The following TIAM2 variants were observed in gnomAD, a reference collection of about 807,000 sequenced individuals.
TIAM2 encodes the protein TIAM Rac1 associated GEF 2.
In TIAM2, 80 loss-of-function variants were observed where a neutral mutation model predicts 152.9. That is an observed-to-expected ratio of 0.52 (90% confidence interval 0.44 to 0.63). The LOEUF (loss-of-function observed/expected upper bound fraction) is 0.63. Ranked by LOEUF, TIAM2 falls within the 30% of genes least tolerant of loss-of-function variation. The pLI is 0.00. For synonymous variants in TIAM2, 804 were observed against 838.0 expected (o/e 0.96, Z 0.70); for missense variants, 1,965 against 2,120.1 (o/e 0.93, Z 1.44).
intron 15 of TIAM2, 151 bp downstream of exon 15, chr6:155,211,458 C>A (rs1562355319): frequency 1.7e-6 from 1 of 591,388 alleles, no homozygotes. Context: ...GATACAGCTT[C>A]CTTATTTATG....
chr6:155,193,433 G>T (rs1226576701), intron 14 of TIAM2, among the ~76,000 whole-genome samples: 2 of 152,020 alleles, frequency 1.3e-5, no homozygotes, highest in African/African-American at 4.8e-5. Context: ...AGATCTCATT[G>T]GAAAAGTATT....
At chr6:155,196,470 C>T (rs1299522403) in intron 14 of TIAM2, among the ~76,000 whole-genome samples, 1 of 152,138 alleles carries the variant, frequency 6.6e-6, no homozygotes, top group African/African-American at 2.4e-5. Context: ...GCATATTGGT[C>T]TTTCCTCTAG....
chr6:155,172,515 G>T (rs887756377), intron 9 of TIAM2, among the ~76,000 whole-genome samples: 1 of 151,240 alleles, frequency 6.6e-6, no homozygotes, highest in Non-Finnish European at 1.5e-5. Flanking sequence ...GAACAGAAGT[G>T]CAGAGGCACT....
At chr6:155,144,120 A>G (rs1779772809) in intron 5 of TIAM2, among the ~76,000 whole-genome samples, 1 of 152,170 alleles carries the variant, frequency 6.6e-6, no homozygotes, top group South Asian at 2.1e-4. Flanking sequence ...TTTAATTTTT[A>G]AACACTGAAG....
intron 1 of TIAM2, among the ~76,000 whole-genome samples, chr6:155,057,607 C>T (rs902719542): frequency 1.2e-4 from 16 of 131,754 alleles, no homozygotes; most frequent in African/African-American, 8.8e-5. Context: ...AGTGCAGTGA[C>T]GTGATCTTGC....
chr6:155,079,628 T>A (rs916710624), intron 1 of TIAM2, among the ~76,000 whole-genome samples: 4 of 152,172 alleles, frequency 2.6e-5, no homozygotes, highest in African/African-American at 9.7e-5. Context: ...TCTTTATGGA[T>A]CCTAGCATTT....
In TIAM2 at chr6:155,183,375, C is replaced by A; in HGVS notation, c.2939C>A (p.Thr980Asn). The A allele has an allele frequency of 1.2e-6, 2 of 1,613,276 alleles. No individual in the cohort carries two copies. The highest frequency in any genetic ancestry group is 1.7e-6 in the Non-Finnish European group (2 of 1,179,750). The change falls in exon 14 of 27, where the codon ACC (threonine) becomes AAC (asparagine). Residue 980 changes from threonine (T) to asparagine (N), a missense_variant. Physicochemically the swap from Thr to Asn is moderately conservative, Grantham distance 65 (BLOSUM62 0). Transcript: ENST00000682666. ...GCCCGGCCTCCGGACACAAAAGCAA[C>A]CCTGTGTACATCCTGGTCAGACAGT... is the stretch of plus-strand genomic sequence containing the variant. ...LIARPPDTKATLCTSWSDSDL... is the reference protein window; with the variant it reads ...LIARPPDTKANLCTSWSDSDL...
intron 1 of TIAM2, among the ~76,000 whole-genome samples, chr6:155,054,080 G>A (rs1056450503): frequency 2.0e-5 from 3 of 152,172 alleles, no homozygotes; most frequent in East Asian, 1.9e-4. Flanking sequence ...GGCTGAGGCC[G>A]GAGACTCGTT....
intron 9 of TIAM2, among the ~76,000 whole-genome samples, chr6:155,171,432 C>T (rs1426370569): frequency 6.6e-6 from 1 of 152,204 alleles, no homozygotes; most frequent in Non-Finnish European, 1.5e-5. Context: ...AGCTTCATTG[C>T]AGAAATTGTG....
At chr6:155,127,124 C>T (rs1779313125) in intron 2 of TIAM2, among the ~76,000 whole-genome samples, 1 of 152,228 alleles carries the variant, frequency 6.6e-6, no homozygotes, top group South Asian at 2.1e-4. Context: ...AAATAGAGAA[C>T]AAGGGCCACC....
intron 1 of TIAM2, among the ~76,000 whole-genome samples, chr6:155,056,475 A>T (rs997041016): frequency 6.7e-6 from 1 of 149,968 alleles, no homozygotes; most frequent in African/African-American, 2.4e-5. Context: ...CCTGGCCCTT[A>T]TGGTTCTTCT....
In TIAM2 at chr6:155,116,819, G is replaced by A. The variant is rs181957499; in HGVS notation, c.-117-10671G>A. 1.9e-3 allele frequency among the ~76,000 whole-genome samples: 282 copies of A among 152,192 alleles called. 2 individuals carry two copies. Among genetic ancestry groups the A allele is most frequent in the African/African-American group, 6.4e-3 (265 of 41,488 alleles). On this transcript the variant is annotated intron_variant, in intron 2 of 26. Coordinates refer to ENST00000682666, the MANE Select transcript of TIAM2 (RefSeq NM_012454.4). The stretch of plus-strand genomic sequence containing the variant: ...GCTCAAGCTCAGAAAGGTTAAAAAC[G>A]GAGGTTATTTAAAAGTCACACTCAC...
chr6:155,190,309 T>A (rs73006735), intron 14 of TIAM2, among the ~76,000 whole-genome samples: 12,924 of 152,222 alleles, frequency 0.085, 656 homozygotes, highest in Non-Finnish European at 0.11. Flanking sequence ...AAGCCCCTTA[T>A]AAAATAAATA....
In TIAM2 at chr6:155,179,035, A is replaced by G; in HGVS notation, c.2524-4A>G. ...AATCTGAATAACTGTCTTTTTCTTT[A>G]TAGATGAGGCAGTTGGAACCCAGCC... On this transcript the variant is annotated splice_region_variant and splice_polypyrimidine_tract_variant and intron_variant, in intron 10 of 26. Transcript: ENST00000682666. The G allele has an allele frequency of 1.2e-6, 2 of 1,607,148 alleles. No homozygotes were observed. Among genetic ancestry groups the G allele is most frequent in the Non-Finnish European group, 1.7e-6 (2 of 1,176,382 alleles).
chr6:155,114,011 AC>A (rs1445651018), intron 2 of TIAM2, among the ~76,000 whole-genome samples: 12 of 49,164 alleles, frequency 2.4e-4, no homozygotes, highest in Non-Finnish European at 3.9e-4. Context: ...TTTATACTTT[AC>A]TTTATATATA....
chr6:155,044,999 ATTTCT>A (rs946759545), intron 1 of TIAM2, among the ~76,000 whole-genome samples: 3 of 145,536 alleles, frequency 2.1e-5, no homozygotes, highest in Non-Finnish European at 4.5e-5. Context: ...TTTGTTTTAA[ATTTCT>A]TTTTTTCTTT....
Position 155,256,657 on chromosome 6 carries a change from A to C in TIAM2, c.4642A>C (p.Lys1548Gln). 6.2e-7 allele frequency: 1 copy of C among 1,614,190 alleles called. No individual in the cohort carries two copies. The highest frequency in any genetic ancestry group is 8.5e-7 in the Non-Finnish European group (1 of 1,180,038). ...RQDSKSTSPG[K>Q]YPHPGLADFA... The stretch of plus-strand genomic sequence containing the variant: ...GGACTCCAAGAGCACTTCTCCCGGG[A>C]AATACCCACACCCCGGCTTGGCAGA... The change falls in exon 27 of 27, where the codon AAA (lysine) becomes CAA (glutamine). Residue 1548 changes from lysine (K) to glutamine (Q), a missense_variant. Around this residue, in one of 3 missense-constraint regions of TIAM2, gnomAD observed 935 missense variants for 980.0 expected, o/e 0.95. Coordinates refer to ENST00000682666, the MANE Select transcript of TIAM2 (RefSeq NM_012454.4).
intron 2 of TIAM2, among the ~76,000 whole-genome samples, chr6:155,090,966 C>T (rs953178711): frequency 6.6e-6 from 1 of 152,062 alleles, no homozygotes; most frequent in Non-Finnish European, 1.5e-5. Context: ...CTGAACAGTT[C>T]CCCAGCGGCG....
chr6:155,104,059 C>A (rs1778620532), intron 2 of TIAM2, among the ~76,000 whole-genome samples: 1 of 67,594 alleles, frequency 1.5e-5, no homozygotes, highest in Non-Finnish European at 3.6e-5. Context: ...CCCACACCCC[C>A]ACACACCCCC....
Sources: gnomAD v4.1 joint callset for allele counts (sites outside exome capture counted in the v4.1 genomes callset) on GRCh38, gnomAD v4.1.1 for gene constraint, gnomAD v4.1.1 regional missense constraint, MANE v1.5 for transcripts, NCBI Gene and HGNC (gene_info 2026-07-23, HGNC 2026-07-21) for gene names.